The following DNAH12 variants were observed in gnomAD, a reference collection of about 807,000 sequenced individuals.
DNAH12 encodes dynein axonemal heavy chain 12.
In DNAH12, 285 loss-of-function variants were observed where a neutral mutation model predicts 371.5. That is an observed-to-expected ratio of 0.77 (90% CI 0.70 to 0.85). The LOEUF (loss-of-function observed/expected upper bound fraction) is 0.85. Ranked by LOEUF, DNAH12 falls within the 40% of genes least tolerant of loss-of-function variation. The probability of loss-of-function intolerance (pLI) is 0.00; values close to 1 mark genes in which losing one functional copy is unlikely to be tolerated. For missense variants in DNAH12, 3,611 were observed against 3,689.4 expected (o/e 0.98, Z 0.55); for synonymous variants, 1,200 against 1,213.0 (o/e 0.99, Z 0.22).
intron 60 of DNAH12, among the ~76,000 whole-genome samples, chr3:57,351,854 A>C (rs2062682650): frequency 6.6e-6 from 1 of 152,156 alleles, no homozygotes; most frequent in South Asian, 2.1e-4. Context: ...CTTTGTAAGA[A>C]TTTGTTGAAC....
At chr3:57,316,548 A>G (rs943729835) in intron 65 of DNAH12, among the ~76,000 whole-genome samples, 1 of 152,086 alleles carries the variant, frequency 6.6e-6, no homozygotes, top group East Asian at 1.9e-4. Context: ...CCCACCTCCA[A>G]CACTGGGCTG....
intron 43 of DNAH12, among the ~76,000 whole-genome samples, chr3:57,398,847 C>G (rs1304566839): frequency 6.6e-6 from 1 of 152,046 alleles, no homozygotes; most frequent in African/African-American, 2.4e-5. Flanking sequence ...TAACATGAAG[C>G]CATACAAAAG....
intron 13 of DNAH12, among the ~76,000 whole-genome samples, chr3:57,474,314 G>A (rs919589459): frequency 1.3e-5 from 2 of 151,662 alleles, no homozygotes; most frequent in Non-Finnish European, 2.9e-5. Context: ...ATTTTTTTTT[G>A]AGACAGAGTT....
At chr3:57,359,507 C>T (rs2062873931) in intron 58 of DNAH12, among the ~76,000 whole-genome samples, 1 of 139,976 alleles carries the variant, frequency 7.1e-6, no homozygotes, top group Non-Finnish European at 1.5e-5. Context: ...TGCTGTGAGC[C>T]GAGATTGCGC....
At chr3:57,478,145 G>C (rs1009433304) in intron 13 of DNAH12, among the ~76,000 whole-genome samples, 1 of 152,022 alleles carries the variant, frequency 6.6e-6, no homozygotes, top group Non-Finnish European at 1.5e-5. Context: ...GAGGAAGTTC[G>C]AACCCATGGC....
At chr3:57,472,517 CA>C in intron 14 of DNAH12, 28 bp downstream of exon 14, 1 of 1,530,662 alleles carries the variant, frequency 6.5e-7, no homozygotes, top group Non-Finnish European at 8.8e-7. Flanking sequence ...TGTCAGATTA[CA>C]AAAATACATA....
chr3:57,521,260 G>C (rs1283503201), intron 4 of DNAH12, among the ~76,000 whole-genome samples: 1 of 151,684 alleles, frequency 6.6e-6, no homozygotes, highest in Non-Finnish European at 1.5e-5. Flanking sequence ...GTTAATTTTT[G>C]TACAAGGTGG....
chr3:57,506,731 C>T (rs1384502096), intron 8 of DNAH12, among the ~76,000 whole-genome samples: 8 of 152,052 alleles, frequency 5.3e-5, no homozygotes, highest in Admixed American at 3.3e-4. Context: ...TGTGAGACAC[C>T]GTGCCCAGCC....
intron 58 of DNAH12, among the ~76,000 whole-genome samples, chr3:57,359,135 T>C (rs2153326676): frequency 6.6e-6 from 1 of 152,348 alleles, no homozygotes; most frequent in Admixed American, 6.5e-5. Context: ...TGGCTTGATC[T>C]ATGCATACTT....
At chr3:57,301,658 C>A in intron 70 of DNAH12, 77 bp downstream of exon 70, 6 of 1,475,438 alleles carry the variant, frequency 4.1e-6, no homozygotes, top group Non-Finnish European at 5.5e-6. Context: ...GTATATTTTA[C>A]ATATTTATAC....
intron 62 of DNAH12, among the ~76,000 whole-genome samples, chr3:57,333,703 T>C (rs2062160288): frequency 6.6e-6 from 1 of 152,196 alleles, no homozygotes; most frequent in Non-Finnish European, 1.5e-5. Flanking sequence ...TGGGGCTGGA[T>C]TTGGCCCACA....
At position 57,491,081 on chromosome 3, in the gene DNAH12, C is replaced by CAAAAAAAAAA. The variant is rs553885449; in HGVS notation, c.1336-1404_1336-1395dup. Among the ~76,000 whole-genome samples, 32 of 70,364 alleles carry CAAAAAAAAAA rather than the reference C, an allele frequency of 4.5e-4. 1 individual carries two copies. The highest frequency in any genetic ancestry group is 6.7e-4 in the Admixed American group (4 of 5,998). 46.2% of individuals were successfully genotyped at this position (70,364 alleles called of 152,430 possible). A position where few individuals can be genotyped will look rare whatever the true frequency, so the allele number is the denominator to read the frequency against. On this transcript the variant is annotated intron_variant, in intron 11 of 73. Transcript: ENST00000495027. Reference sequence around the variant, plus strand: ...TGGAAGACAGAGCGAGACTCTATCTCAAAAAAAAAAAAAAAAAAAACAACA... The same window carrying CAAAAAAAAAA: ...TGGAAGACAGAGCGAGACTCTATCTCAAAAAAAAAAAAAAAAAAAAAAAAAAAAAACAACA...
intron 37 of DNAH12, among the ~76,000 whole-genome samples, chr3:57,418,455 G>A (rs1024636295): frequency 1.1e-4 from 16 of 147,966 alleles, no homozygotes; most frequent in Non-Finnish European, 1.8e-4. Flanking sequence ...TGGGAGGATC[G>A]CTAGAGCCTG....
intron 5 of DNAH12, 142 bp downstream of exon 5, chr3:57,510,648 T>A: frequency 1.3e-6 from 1 of 777,238 alleles, no homozygotes; most frequent in South Asian, 1.9e-5. Context: ...AGAAAAAAAA[T>A]AAAAAGAAAA....
intron 22 of DNAH12, among the ~76,000 whole-genome samples, chr3:57,456,058 G>A (rs546045709): frequency 6.6e-6 from 1 of 152,234 alleles, no homozygotes; most frequent in African/African-American, 2.4e-5. Flanking sequence ...ATGCTTCTTA[G>A]CCATATTTAG....
Position 57,404,965 on chromosome 3 carries a change from G to A in DNAH12, c.6755+4C>T, listed in dbSNP as rs879969139. 17 of 1,506,814 alleles carry A rather than the reference G, an allele frequency of 1.1e-5. 1 individual carries two copies. In the South Asian group the frequency reaches 2.3e-4, roughly 20 times the overall value. 93.3% of individuals were successfully genotyped at this position (1,506,814 alleles called of 1,614,324 possible). Reference sequence around the variant, plus strand: ...TTTCAAGCATCAACACCATATATAGGTACCTAAAAATGACAAGATTCATTC... The same window carrying A: ...TTTCAAGCATCAACACCATATATAGATACCTAAAAATGACAAGATTCATTC... On this transcript the variant is annotated splice_donor_region_variant and intron_variant, in intron 42 of 73. Coordinates refer to ENST00000495027, the MANE Select transcript of DNAH12 (RefSeq NM_001366028.2).
intron 13 of DNAH12, among the ~76,000 whole-genome samples, chr3:57,478,513 C>G (rs1367233196): frequency 6.6e-6 from 1 of 152,020 alleles, no homozygotes; most frequent in Non-Finnish European, 1.5e-5. Context: ...GGATATTATC[C>G]AGGAGAACTT....
intron 34 of DNAH12, 103 bp downstream of exon 34, chr3:57,428,530 A>G: frequency 1.3e-6 from 2 of 1,519,614 alleles, no homozygotes; most frequent in Non-Finnish European, 8.8e-7. Context: ...CATAAGGACA[A>G]ACTGGTTTTA....
intron 2 of DNAH12, among the ~76,000 whole-genome samples, chr3:57,542,155 TGGG>T (rs35978339): frequency 0.52 from 43,021 of 82,468 alleles, 10,718 homozygotes; most frequent in South Asian, 0.67. Context: ...TCCACTAAAC[TGGG>T]GGGGGGGGGG....
Sources: allele counts gnomAD v4.1 joint callset (sites outside exome capture counted in the v4.1 genomes callset), GRCh38; gene constraint gnomAD v4.1.1; transcripts MANE v1.5; gene names NCBI Gene and HGNC (gene_info 2026-07-23, HGNC 2026-07-21).